The following CSNK2A2IP variants were observed in gnomAD, a reference collection of about 807,000 sequenced individuals.
CSNK2A2IP encodes casein kinase 2 subunit alpha' interacting protein, also known as casein kinase II subunit alpha'-interacting protein.
chr3:88,450,009 A>G, the CSNK2A2IP span, among the ~76,000 whole-genome samples: 8 of 150,484 alleles, frequency 5.3e-5, no homozygotes, highest in African/African-American at 2.0e-4. Flanking sequence ...CTGGGACTAC[A>G]GGCTCGCATG....
At chr3:88,370,167 A>G in the CSNK2A2IP span, among the ~76,000 whole-genome samples, 1 of 151,926 alleles carries the variant, frequency 6.6e-6, no homozygotes. Context: ...CCTAAATAAC[A>G]GACAGGAGAC....
the CSNK2A2IP span, among the ~76,000 whole-genome samples, chr3:88,457,755 T>TAAAC: frequency 6.6e-6 from 1 of 150,816 alleles, no homozygotes; most frequent in African/African-American, 2.4e-5. Context: ...TAAAATAAAA[T>TAAAC]CTAGTAGTTT....
At chr3:88,405,964 T>A in the CSNK2A2IP span, among the ~76,000 whole-genome samples, 4 of 151,330 alleles carry the variant, frequency 2.6e-5, no homozygotes, top group Admixed American at 2.6e-4. Flanking sequence ...GAACCTAAGT[T>A]TTTTTCATCT....
the CSNK2A2IP span, among the ~76,000 whole-genome samples, chr3:88,363,608 A>T: frequency 6.6e-6 from 1 of 152,188 alleles, no homozygotes; most frequent in South Asian, 2.1e-4. Flanking sequence ...ATGGGATGTC[A>T]TGCATCATTA....
chr3:88,373,444 C>T, the CSNK2A2IP span, among the ~76,000 whole-genome samples: 3 of 151,020 alleles, frequency 2.0e-5, no homozygotes, highest in Non-Finnish European at 4.4e-5. Flanking sequence ...ATTGAAATCA[C>T]AAAATTTAAA....
At chr3:88,413,367 G>A in the CSNK2A2IP span, among the ~76,000 whole-genome samples, 1 of 151,612 alleles carries the variant, frequency 6.6e-6, no homozygotes, top group Non-Finnish European at 1.5e-5. Flanking sequence ...AGATTCAAAT[G>A]CTATACATAA....
At chr3:88,339,338 T>A in the CSNK2A2IP span, among the ~76,000 whole-genome samples, 1 of 152,070 alleles carries the variant, frequency 6.6e-6, no homozygotes, top group African/African-American at 2.4e-5. Flanking sequence ...TAACATAATG[T>A]CCTCCAGTTC....
chr3:88,414,059 C>T, the CSNK2A2IP span, among the ~76,000 whole-genome samples: 76 of 151,576 alleles, frequency 5.0e-4, 2 homozygotes, highest in African/African-American at 1.8e-3. Flanking sequence ...TAGAAATTTG[C>T]ATTTTCTTTA....
At chr3:88,417,872 T>C in the CSNK2A2IP span, among the ~76,000 whole-genome samples, 4 of 152,226 alleles carry the variant, frequency 2.6e-5, no homozygotes, top group African/African-American at 4.8e-5. Context: ...GACAATTCTG[T>C]ATGTACATAT....
the CSNK2A2IP span, among the ~76,000 whole-genome samples, chr3:88,421,994 C>T: frequency 6.6e-6 from 1 of 152,136 alleles, no homozygotes; most frequent in South Asian, 2.1e-4. Context: ...AATCTATGTG[C>T]TATTTAACTT....
At chr3:88,382,777 A>G in the CSNK2A2IP span, 6 of 152,234 alleles carry the variant, frequency 3.9e-5, no homozygotes, top group Non-Finnish European at 8.8e-5. Flanking sequence ...GGCCTTTGGA[A>G]GTTCATACCC....
chr3:88,349,296 C>T, the CSNK2A2IP span, among the ~76,000 whole-genome samples: 10 of 151,770 alleles, frequency 6.6e-5, no homozygotes, highest in Non-Finnish European at 1.0e-4. Context: ...CCCAACTTGC[C>T]CTCCTGAGTC....
the CSNK2A2IP span, among the ~76,000 whole-genome samples, chr3:88,384,839 A>T: frequency 6.6e-6 from 1 of 152,190 alleles, no homozygotes; most frequent in African/African-American, 2.4e-5. Flanking sequence ...GAATTGAAAC[A>T]GCAGCACAAT....
the CSNK2A2IP span, chr3:88,465,975 C>T: frequency 9.7e-6 from 12 of 1,231,512 alleles, no homozygotes; most frequent in Middle Eastern, 3.1e-4. Flanking sequence ...CCTTGGGACC[C>T]AAACGAAAAG....
chr3:88,426,072 T>C, the CSNK2A2IP span, among the ~76,000 whole-genome samples: 6 of 152,246 alleles, frequency 3.9e-5, no homozygotes, highest in South Asian at 1.0e-3. Flanking sequence ...ACATAACAAA[T>C]GCCCATTTTA....
chr3:88,459,945 C>T, the CSNK2A2IP span, among the ~76,000 whole-genome samples: 2 of 151,798 alleles, frequency 1.3e-5, no homozygotes, highest in South Asian at 2.1e-4. Flanking sequence ...GGAATTTCTG[C>T]GAATGAACTA....
At chr3:88,409,526 C>T in the CSNK2A2IP span, among the ~76,000 whole-genome samples, 1 of 150,288 alleles carries the variant, frequency 6.7e-6, no homozygotes, top group Non-Finnish European at 1.5e-5. Context: ...GAAAATTTTG[C>T]TGTAAATAGA....
At chr3:88,396,284 T>G in the CSNK2A2IP span, among the ~76,000 whole-genome samples, 2 of 151,876 alleles carry the variant, frequency 1.3e-5, no homozygotes, top group Non-Finnish European at 2.9e-5. Context: ...TTTTTGTATT[T>G]TTAGTAGAGA....
the CSNK2A2IP span, among the ~76,000 whole-genome samples, chr3:88,449,752 C>T: frequency 1.6e-5 from 2 of 123,462 alleles, no homozygotes; most frequent in Admixed American, 8.1e-5. Flanking sequence ...CCAAATATAC[C>T]TTTTTTCTCT....
Sources: allele counts gnomAD v4.1 joint callset (sites outside exome capture counted in the v4.1 genomes callset), GRCh38; gene constraint gnomAD v4.1.1; transcripts MANE v1.5; gene names NCBI Gene and HGNC (gene_info 2026-07-23, HGNC 2026-07-21).